SUSD4: variants seen among roughly 807,000 people sequenced by gnomAD.
SUSD4 encodes sushi domain containing 4, also known as sushi domain-containing protein 4.
A neutral mutation model predicts 50.5 loss-of-function variants in SUSD4; 41 were observed. That is an observed-to-expected ratio of 0.81 (90% confidence interval 0.63 to 1.05). The LOEUF is 1.05. Among genes scored for constraint, SUSD4 ranks in the 50% least tolerant of loss-of-function variants. The probability of loss-of-function intolerance (pLI) is 0.00; values close to 1 mark genes in which losing one functional copy is unlikely to be tolerated. For synonymous variants in SUSD4, 257 were observed against 257.3 expected (o/e 1.00, Z 0.01); for missense variants, 580 against 634.7 (o/e 0.91, Z 0.93).
At chr1:223,301,079 C>T (rs1341126663) in intron 2 of SUSD4, among the ~76,000 whole-genome samples, 1 of 152,198 alleles carries the variant, frequency 6.6e-6, no homozygotes, top group African/African-American at 2.4e-5. Flanking sequence ...TCTACTTAGC[C>T]TTTTCCTACC....
intron 2 of SUSD4, among the ~76,000 whole-genome samples, chr1:223,311,620 G>A (rs1665880323): frequency 6.6e-6 from 1 of 152,232 alleles, no homozygotes; most frequent in South Asian, 2.1e-4. Context: ...ACTCATGTAA[G>A]ATGAGTGCAA....
At chr1:223,269,446 T>C (rs926991934) in intron 3 of SUSD4, among the ~76,000 whole-genome samples, 3 of 152,178 alleles carry the variant, frequency 2.0e-5, no homozygotes, top group South Asian at 4.1e-4. Flanking sequence ...CAAGTGATCA[T>C]TACCCACTTC....
At chr1:223,352,999 C>T (rs919803252) in intron 2 of SUSD4, among the ~76,000 whole-genome samples, 2 of 152,170 alleles carry the variant, frequency 1.3e-5, no homozygotes, top group African/African-American at 4.8e-5. Flanking sequence ...AATCACTCGC[C>T]TGCTTCACAT....
At chr1:223,311,258 G>T (rs1396890135) in intron 2 of SUSD4, among the ~76,000 whole-genome samples, 2 of 152,198 alleles carry the variant, frequency 1.3e-5, no homozygotes, top group Non-Finnish European at 2.9e-5. Context: ...GCTGTCAATG[G>T]AGTTAGTTGG....
At chr1:223,339,824 C>A (rs971855281) in intron 2 of SUSD4, among the ~76,000 whole-genome samples, 1 of 152,214 alleles carries the variant, frequency 6.6e-6, no homozygotes, top group Middle Eastern at 3.2e-3. Flanking sequence ...TGGGCCCCGG[C>A]TCCCCCAGGA....
intron 2 of SUSD4, among the ~76,000 whole-genome samples, chr1:223,344,681 T>G (rs1052877045): frequency 6.6e-6 from 1 of 152,158 alleles, no homozygotes; most frequent in Non-Finnish European, 1.5e-5. Context: ...TCTCCACCAC[T>G]TCTCATGTTT....
At chr1:223,256,030 T>G (rs559263401) in intron 5 of SUSD4, among the ~76,000 whole-genome samples, 2 of 152,274 alleles carry the variant, frequency 1.3e-5, no homozygotes, top group South Asian at 4.1e-4. Flanking sequence ...ACATCCCTGG[T>G]TGGCACCAGC....
At chr1:223,245,815 A>G (rs1452075340) in intron 5 of SUSD4, among the ~76,000 whole-genome samples, 1 of 152,184 alleles carries the variant, frequency 6.6e-6, no homozygotes, top group East Asian at 1.9e-4. Flanking sequence ...GTTTCTAAAT[A>G]GGGCTTGGTG....
chr1:223,305,341 C>G (rs1302888561), intron 2 of SUSD4, among the ~76,000 whole-genome samples: 1 of 152,110 alleles, frequency 6.6e-6, no homozygotes, highest in Non-Finnish European at 1.5e-5. Context: ...TCTGGGCACC[C>G]ATGAGACTAA....
At chr1:223,235,819 A>G (rs1214925784) in intron 5 of SUSD4, among the ~76,000 whole-genome samples, 1 of 152,218 alleles carries the variant, frequency 6.6e-6, no homozygotes, top group Admixed American at 6.5e-5. Context: ...TAAATCTGCT[A>G]TAACATTTGT....
chr1:223,269,064 G>T (rs1187785050), intron 3 of SUSD4, among the ~76,000 whole-genome samples: 5 of 152,226 alleles, frequency 3.3e-5, no homozygotes, highest in African/African-American at 1.2e-4. Context: ...ACAGAACACA[G>T]TGTGGCCTGA....
chr1:223,303,963 C>A (rs984778211), intron 2 of SUSD4, among the ~76,000 whole-genome samples: 2 of 152,160 alleles, frequency 1.3e-5, no homozygotes, highest in African/African-American at 4.8e-5. Context: ...ACAGTTGCAG[C>A]AAAAGCTGGT....
At chr1:223,281,617 G>T (rs1025724770) in intron 3 of SUSD4, among the ~76,000 whole-genome samples, 1 of 152,162 alleles carries the variant, frequency 6.6e-6, no homozygotes, top group East Asian at 1.9e-4. Flanking sequence ...ACCAAAAAGA[G>T]TTCAGGGCCA....
intron 3 of SUSD4, among the ~76,000 whole-genome samples, chr1:223,284,695 T>C (rs1558214651): frequency 1.3e-5 from 2 of 152,198 alleles, no homozygotes; most frequent in Non-Finnish European, 2.9e-5. Context: ...GATAAAATTT[T>C]GTCATTGATG....
At chr1:223,317,025 A>C (rs1666233287) in intron 2 of SUSD4, among the ~76,000 whole-genome samples, 1 of 152,186 alleles carries the variant, frequency 6.6e-6, no homozygotes, top group Non-Finnish European at 1.5e-5. Context: ...GAACCAGAGC[A>C]ACTCCATCTT....
intron 2 of SUSD4, among the ~76,000 whole-genome samples, chr1:223,321,682 T>A (rs1307147911): frequency 6.6e-6 from 1 of 152,226 alleles, no homozygotes; most frequent in Non-Finnish European, 1.5e-5. Flanking sequence ...TTTTGAACCA[T>A]GGATGCCTTT....
intron 3 of SUSD4, among the ~76,000 whole-genome samples, chr1:223,282,036 C>T (rs530914730): frequency 2.0e-5 from 3 of 152,316 alleles, no homozygotes; most frequent in East Asian, 1.9e-4. Context: ...CAAAATTCAA[C>T]AACCCTTCAT....
intron 2 of SUSD4, among the ~76,000 whole-genome samples, chr1:223,312,392 G>T (rs548885545): frequency 1.3e-5 from 2 of 152,152 alleles, no homozygotes; most frequent in East Asian, 1.9e-4. Context: ...ACTCACTCGG[G>T]CTCCTGGGGA....
chr1:223,348,153 A>T (rs1208822950), intron 2 of SUSD4, among the ~76,000 whole-genome samples: 5 of 152,226 alleles, frequency 3.3e-5, no homozygotes, highest in African/African-American at 1.2e-4. Context: ...CGTTTAGAAC[A>T]CTAGAAGCAG....
Sources: allele counts gnomAD v4.1 joint callset (sites outside exome capture counted in the v4.1 genomes callset), GRCh38; gene constraint gnomAD v4.1.1; transcripts MANE v1.5; gene names NCBI Gene and HGNC (gene_info 2026-07-23, HGNC 2026-07-21).